Variants in SYNGR1 observed in about 807,000 individuals in gnomAD.
SYNGR1 encodes the protein synaptogyrin-1.
SYNGR1 carries 14 observed loss-of-function variants against 26.1 expected under a neutral mutation model. The observed-to-expected ratio is 0.54, with a 90% CI of 0.35 to 0.84. The LOEUF is 0.84. Ranked by LOEUF, SYNGR1 falls within the 40% of genes least tolerant of loss-of-function variation. The pLI, the probability that SYNGR1 is intolerant of heterozygous loss-of-function variation, is 0.01. For missense variants in SYNGR1, 319 were observed against 332.9 expected (o/e 0.96, Z 0.33); for synonymous variants, 141 against 150.1 (o/e 0.94, Z 0.44).
In SYNGR1 at chr22:39,384,736, G is replaced by A. The variant is rs1925602864; in HGVS notation, c.*2822G>A. 1 of 398,978 alleles carries A rather than the reference G, an allele frequency of 2.5e-6. No homozygotes were observed. The highest frequency in any genetic ancestry group is 1.3e-4 in the South Asian group (1 of 7,846). The allele number at this position is 398,978 out of a possible 1,614,324, so 24.7% of individuals were successfully genotyped here. On this transcript the variant is annotated 3_prime_UTR_variant, in exon 4 of 4. Transcript: ENST00000328933. ...GGCCCTCCTGCAGCTGGACCCTGCA[G>A]GGTGGCTCCCTCCTCCCCATCAAGC...
Position 39,380,740 on chromosome 22 carries a change from C to A in SYNGR1, c.484-956C>A, listed in dbSNP as rs528023761. ...GGTTCAAGCGATTCTCCTGCTTGCA[C>A]CTCCCGAGTAGCTGGGATTACAGGT... is the stretch of plus-strand genomic sequence containing the variant. On this transcript the variant is annotated intron_variant, in intron 3 of 3. Coordinates refer to ENST00000328933, the MANE Select transcript of SYNGR1 (RefSeq NM_004711.5). Among the ~76,000 whole-genome samples, 14 of 150,802 alleles carry A rather than the reference C, an allele frequency of 9.3e-5. No homozygotes were observed. In the South Asian group the frequency reaches 2.9e-3, roughly 32 times the overall value.
At chr22:39,366,603 G>A (rs1434764552) in intron 1 of SYNGR1, among the ~76,000 whole-genome samples, 3 of 151,906 alleles carry the variant, frequency 2.0e-5, no homozygotes, top group South Asian at 2.1e-4. Context: ...CTGAGATTGC[G>A]CCCCTGCACT....
chr22:39,381,202 CCA>C (rs1925487218), intron 3 of SYNGR1, among the ~76,000 whole-genome samples: 2 of 152,268 alleles, frequency 1.3e-5, no homozygotes, highest in African/African-American at 4.8e-5. Flanking sequence ...CATCTGTGTT[CCA>C]GGCATCAGGT....
At chr22:39,356,682 C>T (rs1056276827) in intron 1 of SYNGR1, among the ~76,000 whole-genome samples, 7 of 152,110 alleles carry the variant, frequency 4.6e-5, no homozygotes, top group African/African-American at 1.4e-4. Context: ...GCACCCAGAC[C>T]GGAAGAACCA....
chr22:39,375,592 A>G, intron 2 of SYNGR1: 1 of 383,742 alleles, frequency 2.6e-6, no homozygotes, highest in Non-Finnish European at 4.7e-6. Flanking sequence ...CCTCCTTCCC[A>G]TACCTCATTT....
chr22:39,371,456 A>G lies in SYNGR1; in HGVS notation c.100-2860A>G, dbSNP rs578259221. Among the ~76,000 whole-genome samples the G allele has an allele frequency of 4.0e-5, 6 of 148,438 alleles. No homozygotes were observed. The South Asian group carries it at 1.3e-3, about 33-fold the overall frequency. On this transcript the variant is annotated intron_variant, in intron 1 of 3. Transcript: ENST00000328933. ...GCACCATTGCACTCCAGCCTGGGCAACAAGAGCGAAAGTCCATCTCAAAAA... is the reference window on the plus strand; with the variant it reads ...GCACCATTGCACTCCAGCCTGGGCAGCAAGAGCGAAAGTCCATCTCAAAAA...
chr22:39,366,872 A>G (rs1924784199), intron 1 of SYNGR1, among the ~76,000 whole-genome samples: 1 of 151,354 alleles, frequency 6.6e-6, no homozygotes, highest in African/African-American at 2.4e-5. Flanking sequence ...TGTCTCCTGA[A>G]CTCACCCTGG....
intron 1 of SYNGR1, among the ~76,000 whole-genome samples, chr22:39,365,988 C>CTTTTTTTTTTTTTTTTTTTTTTTT (rs777416803): frequency 2.9e-5 from 2 of 68,382 alleles, no homozygotes; most frequent in African/African-American, 5.3e-5. Flanking sequence ...TCAGCCCCTT[C>CTTTTTTTTTTTTTTTTTTTTTTTT]TTTTTTTTTT....
chr22:39,370,206 C>T (rs1327465230), intron 1 of SYNGR1, among the ~76,000 whole-genome samples: 1 of 152,010 alleles, frequency 6.6e-6, no homozygotes, highest in Non-Finnish European at 1.5e-5. Context: ...TCTCGGCTCA[C>T]TGCAACCTCT....
intron 1 of SYNGR1, among the ~76,000 whole-genome samples, chr22:39,367,189 C>T (rs11912104): frequency 0.052 from 7,962 of 152,340 alleles, 698 homozygotes; most frequent in African/African-American, 0.18. Flanking sequence ...CTGTTCCCAA[C>T]TGTGTCCTCA....
In SYNGR1 at chr22:39,364,288, G is replaced by A. The variant is rs531162330; in HGVS notation, c.100-10028G>A. ...GTGGGTGAGCTGGAGGAGCAGGCCC[G>A]GATGTGAGGCAGGTTCCCCATCTGC... On this transcript the variant is annotated intron_variant, in intron 1 of 3. Coordinates refer to ENST00000328933, the MANE Select transcript of SYNGR1 (RefSeq NM_004711.5). 3.0e-5 allele frequency: 49 copies of A among 1,613,324 alleles called. 1 individual carries two copies. The highest frequency in any genetic ancestry group is 2.4e-4 in the South Asian group (22 of 91,086).
intron 1 of SYNGR1, among the ~76,000 whole-genome samples, chr22:39,353,064 G>A (rs1354819408): frequency 3.9e-5 from 6 of 152,156 alleles, no homozygotes; most frequent in African/African-American, 1.4e-4. Context: ...GTTTCACCAT[G>A]TTAGCCAGGC....
intron 1 of SYNGR1, among the ~76,000 whole-genome samples, chr22:39,363,822 C>T (rs1390399546): frequency 6.6e-6 from 1 of 152,132 alleles, no homozygotes; most frequent in Non-Finnish European, 1.5e-5. Context: ...CCCCGAGCCA[C>T]CCAGCTCAGG....
intron 1 of SYNGR1, among the ~76,000 whole-genome samples, chr22:39,355,170 G>A (rs1464586558): frequency 6.6e-6 from 1 of 152,214 alleles, no homozygotes; most frequent in African/African-American, 2.4e-5. Context: ...ATTCCCAAGG[G>A]GTGGCCCAGG....
At chr22:39,380,090 T>G (rs189086685) in intron 3 of SYNGR1, 9 of 151,740 alleles carry the variant, frequency 5.9e-5, no homozygotes, top group Non-Finnish European at 1.2e-4. Flanking sequence ...ACAATGTAAT[T>G]GCTTTTATTG....
chr22:39,361,573 T>A (rs1449493923), intron 1 of SYNGR1, among the ~76,000 whole-genome samples: 1 of 151,842 alleles, frequency 6.6e-6, no homozygotes, highest in African/African-American at 2.4e-5. Flanking sequence ...TTGGCCAGGC[T>A]GGTCTCAAAC....
intron 1 of SYNGR1, among the ~76,000 whole-genome samples, chr22:39,361,571 G>C (rs1924472608): frequency 6.6e-6 from 1 of 151,784 alleles, no homozygotes; most frequent in East Asian, 1.9e-4. Context: ...TGTTGGCCAG[G>C]CTGGTCTCAA....
intron 3 of SYNGR1, among the ~76,000 whole-genome samples, chr22:39,378,602 T>A (rs913486854): frequency 1.3e-5 from 2 of 152,078 alleles, no homozygotes; most frequent in African/African-American, 4.8e-5. Flanking sequence ...CACAGACAGT[T>A]CCCCCAAAGC....
At chr22:39,351,552 G>A (rs1206977051) in intron 1 of SYNGR1, among the ~76,000 whole-genome samples, 1 of 152,220 alleles carries the variant, frequency 6.6e-6, no homozygotes, top group African/African-American at 2.4e-5. Context: ...CCAAAGGTGG[G>A]AGCCCTGGGG....
Sources: allele counts gnomAD v4.1 joint callset (sites outside exome capture counted in the v4.1 genomes callset), GRCh38; gene constraint gnomAD v4.1.1; transcripts MANE v1.5; gene names NCBI Gene and HGNC (gene_info 2026-07-23, HGNC 2026-07-21).